The following CHRM3 variants were observed in gnomAD, a reference collection of about 807,000 sequenced individuals.
CHRM3 encodes cholinergic receptor muscarinic 3, also known as muscarinic acetylcholine receptor M3.
CHRM3 carries 11 observed loss-of-function variants against 41.8 expected under a neutral mutation model. That is an observed-to-expected ratio of 0.26 (90% CI 0.17 to 0.44). The LOEUF (loss-of-function observed/expected upper bound fraction) is 0.44, where lower values mean the gene tolerates loss of function less well. Among genes scored for constraint, CHRM3 ranks in the 20% least tolerant of loss-of-function variants. The probability of loss-of-function intolerance (pLI) is 1.00; values close to 1 mark genes in which losing one functional copy is unlikely to be tolerated. For synonymous variants in CHRM3, 297 were observed against 301.4 expected (o/e 0.99, Z 0.15); for missense variants, 571 against 745.4 (o/e 0.77, Z 2.72).
intron 6 of CHRM3, among the ~76,000 whole-genome samples, chr1:239,859,915 A>G (rs1420880170): frequency 6.6e-6 from 1 of 150,988 alleles, no homozygotes; most frequent in Non-Finnish European, 1.5e-5. Flanking sequence ...AGTACTTTGC[A>G]AACAGTAAAC....
intron 5 of CHRM3, among the ~76,000 whole-genome samples, chr1:239,716,424 A>G (rs569698223): frequency 2.0e-5 from 3 of 152,184 alleles, no homozygotes; most frequent in African/African-American, 7.2e-5. Flanking sequence ...AATAATAGGG[A>G]GCTATAAAGC....
At chr1:239,816,732 C>CTTTTT (rs11309320) in intron 5 of CHRM3, among the ~76,000 whole-genome samples, 2 of 131,552 alleles carry the variant, frequency 1.5e-5, no homozygotes, top group African/African-American at 5.7e-5. Context: ...GTGCCTCAGT[C>CTTTTT]TTTTTTTTTT....
rs143097297 is a variant in CHRM3, at chr1:239,768,913, C to T, written c.-146-58339C>T. Among the ~76,000 whole-genome samples, 885 of 152,102 alleles carry T rather than the reference C, an allele frequency of 5.8e-3. 43 individuals carry two copies. The East Asian group carries it at 0.12, about 20-fold the overall frequency. Reference sequence around the variant, plus strand: ...CTGAGTAGCTGGGATTACAGGCACGCGCCACCATGCCCAACTAATTTTTGT... The same window carrying T: ...CTGAGTAGCTGGGATTACAGGCACGTGCCACCATGCCCAACTAATTTTTGT... On this transcript the variant is annotated intron_variant, in intron 5 of 6. Transcript: ENST00000676153.
chr1:239,696,961 C>A (rs1660252255), intron 5 of CHRM3, among the ~76,000 whole-genome samples: 2 of 152,122 alleles, frequency 1.3e-5, no homozygotes, highest in Non-Finnish European at 2.9e-5. Flanking sequence ...TTTTTTATCA[C>A]CAAAGCTTAT....
At chr1:239,749,944 C>G (rs866515122) in intron 5 of CHRM3, among the ~76,000 whole-genome samples, 5 of 152,186 alleles carry the variant, frequency 3.3e-5, no homozygotes, top group Admixed American at 3.3e-4. Flanking sequence ...AATAATACCA[C>G]GGCTTTGAAT....
chr1:239,750,620 G>A (rs751521795), intron 5 of CHRM3, among the ~76,000 whole-genome samples: 3 of 152,146 alleles, frequency 2.0e-5, no homozygotes, highest in Non-Finnish European at 2.9e-5. Flanking sequence ...CTAGTCTTGC[G>A]TTAATCACAG....
intron 4 of CHRM3, among the ~76,000 whole-genome samples, chr1:239,666,134 A>C (rs1413067878): frequency 4.0e-5 from 6 of 151,850 alleles, no homozygotes; most frequent in African/African-American, 1.5e-4. Context: ...CACTCCCACT[A>C]ACAGTGTAAA....
rs1261862874 is a variant in CHRM3, at chr1:239,913,915, G to A, written c.*4691G>A. On this transcript the variant is annotated 3_prime_UTR_variant, in exon 7 of 7. Transcript: ENST00000676153. ...TATCAGGCCTATGTTTGTTCTGGTA[G>A]AACCACAGAGACTCACACAAAGTTC... 1 of 166,950 alleles carries A rather than the reference G, an allele frequency of 6.0e-6. No homozygotes were observed. The highest frequency in any genetic ancestry group is 1.5e-5 in the Non-Finnish European group (1 of 68,104). The allele number at this position is 166,950 out of a possible 1,614,324, so 10.3% of individuals were successfully genotyped here.
intron 5 of CHRM3, among the ~76,000 whole-genome samples, chr1:239,730,773 G>C (rs1246316379): frequency 6.6e-6 from 1 of 151,848 alleles, no homozygotes; most frequent in Non-Finnish European, 1.5e-5. Context: ...AATTTTGAAA[G>C]GTAATTACTT....
chr1:239,443,750 T>A (rs1663910952), intron 1 of CHRM3, among the ~76,000 whole-genome samples: 1 of 152,208 alleles, frequency 6.6e-6, no homozygotes, highest in South Asian at 2.1e-4. Context: ...TTAAGAGAAA[T>A]ACTTTTCTTC....
chr1:239,750,616 T>C (rs1198208527), intron 5 of CHRM3, among the ~76,000 whole-genome samples: 2 of 152,312 alleles, frequency 1.3e-5, no homozygotes, highest in Admixed American at 1.3e-4. Context: ...TAACCTAGTC[T>C]TGCGTTAATC....
intron 3 of CHRM3, among the ~76,000 whole-genome samples, chr1:239,580,689 T>TTATATATATATATATA (rs1165930612): frequency 0.17 from 10,854 of 63,356 alleles, 1,499 homozygotes; most frequent in Non-Finnish European, 0.29. Context: ...TTGCCCAATT[T>TTATATATATATATATA]TATATATATA....
intron 3 of CHRM3, among the ~76,000 whole-genome samples, chr1:239,563,220 T>A (rs985663192): frequency 2.0e-5 from 3 of 151,580 alleles, no homozygotes; most frequent in Non-Finnish European, 2.9e-5. Context: ...AAGAGATACA[T>A]CCAGGTGCAC....
intron 1 of CHRM3, among the ~76,000 whole-genome samples, chr1:239,452,218 C>G (rs1228272212): frequency 1.3e-5 from 2 of 152,090 alleles, no homozygotes; most frequent in African/African-American, 4.8e-5. Context: ...GGCTTGAGTT[C>G]CTACTCATGT....
chr1:239,886,815 C>T (rs941319536), intron 6 of CHRM3, among the ~76,000 whole-genome samples: 6 of 152,182 alleles, frequency 3.9e-5, no homozygotes, highest in African/African-American at 1.4e-4. Context: ...TTCCAAAGAG[C>T]ATTACCGGGT....
At chr1:239,539,464 C>G (rs913046501) in intron 2 of CHRM3, among the ~76,000 whole-genome samples, 2 of 152,064 alleles carry the variant, frequency 1.3e-5, no homozygotes, top group East Asian at 3.9e-4. Flanking sequence ...TATTCTTACC[C>G]TTTTGCAGCA....
chr1:239,853,613 C>G (rs114421833), intron 6 of CHRM3, among the ~76,000 whole-genome samples: 2,752 of 151,770 alleles, frequency 0.018, 98 homozygotes, highest in African/African-American at 0.063. Context: ...ACTCTTTTAC[C>G]TCTTCTGTTT....
intron 1 of CHRM3, among the ~76,000 whole-genome samples, chr1:239,451,514 T>C (rs1468742533): frequency 6.6e-6 from 1 of 152,026 alleles, no homozygotes; most frequent in African/African-American, 2.4e-5. Context: ...TGCCTCAGTT[T>C]CCCCACTGGT....
At chr1:239,595,723 A>G (rs1664699890) in intron 3 of CHRM3, among the ~76,000 whole-genome samples, 3 of 152,168 alleles carry the variant, frequency 2.0e-5, no homozygotes, top group Admixed American at 1.3e-4. Flanking sequence ...TATTTAAACC[A>G]TTTCACTCTA....
Sources: allele counts gnomAD v4.1 joint callset (sites outside exome capture counted in the v4.1 genomes callset), GRCh38; gene constraint gnomAD v4.1.1; transcripts MANE v1.5; gene names NCBI Gene and HGNC (gene_info 2026-07-23, HGNC 2026-07-21).